Variants in LINGO2 observed in about 807,000 individuals in gnomAD.
LINGO2 encodes leucine-rich repeat and immunoglobulin-like domain-containing nogo receptor-interacting protein 2.
In LINGO2, 14 loss-of-function variants were observed where a neutral mutation model predicts 30.6. That is an observed-to-expected ratio of 0.46 (90% CI 0.30 to 0.72). The LOEUF (loss-of-function observed/expected upper bound fraction) is 0.72, where lower values mean the gene tolerates loss of function less well. Ranked by LOEUF, LINGO2 falls within the 30% of genes least tolerant of loss-of-function variation. The pLI, the probability that LINGO2 is intolerant of heterozygous loss-of-function variation, is 0.07. For synonymous variants in LINGO2, 317 were observed against 288.5 expected, an observed-to-expected ratio of 1.10 and a Z score of -1.00; for missense variants, 729 against 751.7, an observed-to-expected ratio of 0.97 and a Z score of 0.35.
the LINGO2 span, among the ~76,000 whole-genome samples, chr9:29,135,743 C>A: frequency 1.3e-5 from 2 of 152,034 alleles, no homozygotes; most frequent in Non-Finnish European, 2.9e-5. Flanking sequence ...TCTTGCAGAA[C>A]TGAACCTCTA....
chr9:28,566,913 A>T (rs1355714102), intron 1 of LINGO2, among the ~76,000 whole-genome samples: 1 of 152,208 alleles, frequency 6.6e-6, no homozygotes, highest in Non-Finnish European at 1.5e-5. Flanking sequence ...TAACTTCTTT[A>T]AAGTGGCCAA....
intron 2 of LINGO2, among the ~76,000 whole-genome samples, chr9:28,435,044 C>A (rs1823868387): frequency 6.6e-6 from 1 of 151,858 alleles, no homozygotes; most frequent in African/African-American, 2.4e-5. Context: ...CTTTTTTTCT[C>A]TTTAGCAGAG....
At chr9:28,724,221 T>C in the LINGO2 span, among the ~76,000 whole-genome samples, 1 of 152,140 alleles carries the variant, frequency 6.6e-6, no homozygotes, top group Admixed American at 6.6e-5. Context: ...GTTCTTATTA[T>C]GGGCCAACCA....
At chr9:28,729,175 G>A in the LINGO2 span, among the ~76,000 whole-genome samples, 1 of 152,006 alleles carries the variant, frequency 6.6e-6, no homozygotes, top group Non-Finnish European at 1.5e-5. Context: ...GTATCATGCT[G>A]GATATTGAAA....
chr9:28,499,493 A>G (rs1368251349), intron 1 of LINGO2, among the ~76,000 whole-genome samples: 1 of 152,186 alleles, frequency 6.6e-6, no homozygotes, highest in Non-Finnish European at 1.5e-5. Flanking sequence ...CAAGTGCCTG[A>G]CAGCAATTTT....
chr9:28,789,330 T>C, the LINGO2 span, among the ~76,000 whole-genome samples: 2 of 152,308 alleles, frequency 1.3e-5, no homozygotes, highest in South Asian at 4.1e-4. Context: ...CAATAGTATC[T>C]TATTGTCATG....
At chr9:28,990,053 T>C in the LINGO2 span, among the ~76,000 whole-genome samples, 3 of 152,180 alleles carry the variant, frequency 2.0e-5, no homozygotes, top group Admixed American at 6.5e-5. Flanking sequence ...AGGACAGTGG[T>C]TGCAGTGCAC....
chr9:27,983,658 T>TA (rs1820989965), intron 5 of LINGO2, among the ~76,000 whole-genome samples: 1 of 151,766 alleles, frequency 6.6e-6, no homozygotes. Flanking sequence ...ATCAGAGAGG[T>TA]AAAATCACCA....
At chr9:28,513,005 A>C (rs1454733857) in intron 1 of LINGO2, among the ~76,000 whole-genome samples, 1 of 151,440 alleles carries the variant, frequency 6.6e-6, no homozygotes, top group Non-Finnish European at 1.5e-5. Context: ...CTCTTTTGGC[A>C]ACACCCTCAC....
the LINGO2 span, among the ~76,000 whole-genome samples, chr9:29,041,392 A>G: frequency 1.3e-5 from 2 of 152,086 alleles, no homozygotes; most frequent in African/African-American, 4.8e-5. Flanking sequence ...TTGAAAAAGA[A>G]GAATAAAGTA....
At chr9:28,436,791 G>C (rs1239508462) in intron 2 of LINGO2, among the ~76,000 whole-genome samples, 3 of 152,146 alleles carry the variant, frequency 2.0e-5, no homozygotes, top group African/African-American at 7.2e-5. Flanking sequence ...TCGGGGTATA[G>C]AGAAATGAAG....
chr9:28,058,048 A>G (rs556027018), intron 4 of LINGO2, among the ~76,000 whole-genome samples: 7 of 152,282 alleles, frequency 4.6e-5, no homozygotes, highest in Non-Finnish European at 8.8e-5. Context: ...CTTTGGAGGC[A>G]AGCATTTGCC....
At chr9:28,194,942 T>C (rs1036695637) in intron 4 of LINGO2, among the ~76,000 whole-genome samples, 1 of 151,836 alleles carries the variant, frequency 6.6e-6, no homozygotes, top group African/African-American at 2.4e-5. Flanking sequence ...ATATATAGAG[T>C]AATTACTGAA....
At chr9:29,185,651 A>G in the LINGO2 span, among the ~76,000 whole-genome samples, 1 of 152,190 alleles carries the variant, frequency 6.6e-6, no homozygotes, top group African/African-American at 2.4e-5. Context: ...AGACAATGGA[A>G]TTTAGACAAA....
chr9:29,137,664 T>C, the LINGO2 span, among the ~76,000 whole-genome samples: 1 of 152,180 alleles, frequency 6.6e-6, no homozygotes, highest in Non-Finnish European at 1.5e-5. Context: ...AAATTTGGCC[T>C]GCAATTAGCC....
At chr9:28,640,512 G>A (rs1338689317) in intron 1 of LINGO2, among the ~76,000 whole-genome samples, 1 of 127,826 alleles carries the variant, frequency 7.8e-6, no homozygotes, top group Non-Finnish European at 1.7e-5. Flanking sequence ...TGGAGGCCTT[G>A]TTCTTTTTTT....
At chr9:28,888,913 T>C in the LINGO2 span, 1 of 534,060 alleles carries the variant, frequency 1.9e-6, no homozygotes, top group Non-Finnish European at 3.8e-6. Context: ...CAGTCTCCTG[T>C]TCATTTTCAA....
chr9:28,595,730 G>T (rs1437941439), intron 1 of LINGO2, among the ~76,000 whole-genome samples: 1 of 152,008 alleles, frequency 6.6e-6, no homozygotes, highest in Admixed American at 6.6e-5. Flanking sequence ...ACATTACAAT[G>T]GCCCAAAGAC....
At chr9:28,895,342 C>G in the LINGO2 span, among the ~76,000 whole-genome samples, 2 of 152,128 alleles carry the variant, frequency 1.3e-5, no homozygotes, top group African/African-American at 4.8e-5. Context: ...AGCGTTGTCA[C>G]ACTTGCATGC....
Sources: gnomAD v4.1 joint callset for allele counts (sites outside exome capture counted in the v4.1 genomes callset) on GRCh38, gnomAD v4.1.1 for gene constraint, MANE v1.5 for transcripts, NCBI Gene and HGNC (gene_info 2026-07-23, HGNC 2026-07-21) for gene names.